Variants in PLCD4 observed in about 807,000 individuals in gnomAD.
PLCD4 encodes the protein phospholipase C delta 4.
A neutral mutation model predicts 90.2 loss-of-function variants in PLCD4; 63 were observed. The ratio of observed to expected loss-of-function variants is 0.70; its 90% confidence interval spans 0.57 to 0.86. The LOEUF (loss-of-function observed/expected upper bound fraction) is 0.86, where lower values mean the gene tolerates loss of function less well. PLCD4 is among the 40% of genes least tolerant of loss of function. PLCD4 has a pLI of 0.00. For synonymous variants in PLCD4, 294 were observed against 356.5 expected (o/e 0.82, Z 1.97); for missense variants, 830 against 956.3 (o/e 0.87, Z 1.74).
At chr2:218,626,163 G>A (rs1696107831) in intron 6 of PLCD4, among the ~76,000 whole-genome samples, 1 of 151,950 alleles carries the variant, frequency 6.6e-6, no homozygotes, top group African/African-American at 2.4e-5. Flanking sequence ...AGAGGCTGAG[G>A]TGAGAGGATT....
chr2:218,631,920 A>C, intron 9 of PLCD4, among the ~76,000 whole-genome samples: 1 of 152,122 alleles, frequency 6.6e-6, no homozygotes, highest in South Asian at 2.1e-4. Context: ...GTGGCAGGAG[A>C]CCATATATAT....
chr2:218,634,297 G>T lies in PLCD4; in HGVS notation c.1723+76G>T. 1 of 1,572,504 alleles carries T rather than the reference G, an allele frequency of 6.4e-7. No individual in the cohort carries two copies. Among genetic ancestry groups the T allele is most frequent in the Non-Finnish European group, 8.6e-7 (1 of 1,159,142 alleles). ...GAAATAAGTTCTCTAGTGATGGTAG[G>T]GTTGGGGAATGCTCAAGAAAATTGC... is the stretch of plus-strand genomic sequence containing the variant. On this transcript the variant is annotated intron_variant, in intron 12 of 15. Transcript: ENST00000450993. This position sits in a 1 kb window ranked among gnomAD's most constrained non-coding sequence, Gnocchi z 4.0.
chr2:218,616,726 TATACATAC>T (rs61259761), intron 3 of PLCD4, among the ~76,000 whole-genome samples: 2 of 128,776 alleles, frequency 1.6e-5, no homozygotes, highest in Admixed American at 8.5e-5. Context: ...AAAATACATA[TATACATAC>T]ATACATACAT....
At chr2:218,633,414 C>T (rs532585881) in intron 10 of PLCD4, 191 bp from the exon 11 acceptor site, 1 of 736,760 alleles carries the variant, frequency 1.4e-6, no homozygotes, top group East Asian at 2.7e-5. Flanking sequence ...TTTTGTCCGT[C>T]TATCTGTTGT....
At chr2:218,628,990 G>C (rs1021062734) in intron 7 of PLCD4, 5 of 153,830 alleles carry the variant, frequency 3.3e-5, no homozygotes, top group African/African-American at 4.8e-5. Flanking sequence ...CCGAGGCAGG[G>C]AGATCGCTTG....
intron 3 of PLCD4, among the ~76,000 whole-genome samples, chr2:218,616,968 AG>A (rs1695639335): frequency 9.1e-6 from 1 of 109,656 alleles, no homozygotes; most frequent in African/African-American, 3.2e-5. Flanking sequence ...AGAGAGAGAG[AG>A]AGAGAGAGAG....
chr2:218,635,473 G>A (rs574596778), intron 13 of PLCD4, among the ~76,000 whole-genome samples: 23 of 152,170 alleles, frequency 1.5e-4, no homozygotes, highest in African/African-American at 5.1e-4. Context: ...CGAGTAGCTG[G>A]GACTACAGGC....
chr2:218,617,890 T>G (rs922043138), intron 3 of PLCD4, among the ~76,000 whole-genome samples: 2 of 151,892 alleles, frequency 1.3e-5, no homozygotes, highest in African/African-American at 4.8e-5. Flanking sequence ...ATTGAGACCA[T>G]CTGGCTAACA....
chr2:218,622,465 T>C, intron 5 of PLCD4, 182 bp from the exon 6 acceptor site: 1 of 474,574 alleles, frequency 2.1e-6, no homozygotes, highest in South Asian at 4.2e-5. Flanking sequence ...GGTCATAACA[T>C]TTCCCATTCT....
chr2:218,633,869 TGAA>T (rs559297444), intron 11 of PLCD4, 108 bp downstream of exon 11: 23 of 1,380,700 alleles, frequency 1.7e-5, no homozygotes, highest in Non-Finnish European at 2.3e-5. Context: ...TAAGGAGAGA[TGAA>T]GGAGTTCAGA....
chr2:218,612,204 G>A (rs1319709644), intron 1 of PLCD4, among the ~76,000 whole-genome samples: 2 of 152,072 alleles, frequency 1.3e-5, no homozygotes, highest in African/African-American at 2.4e-5. Flanking sequence ...CACCGCCTTC[G>A]GCCAGGTCTG....
rs1696317602 is a variant in PLCD4, at chr2:218,630,582, G to A, written c.1120-68G>A. On this transcript the variant is annotated intron_variant, in intron 8 of 15. Coordinates refer to ENST00000450993, the MANE Select transcript of PLCD4 (RefSeq NM_032726.4). ...AGTAAGTAGGGAGGCCTAGGAAGCG[G>A]GTACTTGAAGAAGTAGGTTGCAGTG... 3.8e-6 allele frequency: 6 copies of A among 1,591,498 alleles called. No homozygotes were observed. The South Asian group carries it at 5.6e-5, about 15-fold the overall frequency.
intron 1 of PLCD4, among the ~76,000 whole-genome samples, chr2:218,612,750 G>A (rs777867512): frequency 3.3e-5 from 5 of 151,762 alleles, no homozygotes; most frequent in African/African-American, 1.2e-4. Context: ...CCAGCCTGGC[G>A]ACAGAGCAAG....
At chr2:218,621,705 A>C in intron 5 of PLCD4, 106 bp downstream of exon 5, 1 of 1,412,402 alleles carries the variant, frequency 7.1e-7, no homozygotes, top group Non-Finnish European at 9.9e-7. Flanking sequence ...AATCTCTGCT[A>C]TGTGCCCTAA....
intron 6 of PLCD4, among the ~76,000 whole-genome samples, chr2:218,626,247 A>G (rs1575028970): frequency 8.3e-6 from 1 of 121,010 alleles, no homozygotes; most frequent in Non-Finnish European, 1.7e-5. Flanking sequence ...ACAGAGTGAG[A>G]CTCTGTCTCC....
intron 6 of PLCD4, among the ~76,000 whole-genome samples, chr2:218,626,300 CCTT>C (rs1413857842): frequency 2.6e-5 from 4 of 151,564 alleles, no homozygotes; most frequent in Non-Finnish European, 5.9e-5. Context: ...AACTTCCTGT[CCTT>C]CTTCACAATC....
intron 1 of PLCD4, 119 bp downstream of exon 1, chr2:218,608,189 C>G (rs2106109462): frequency 6.5e-6 from 1 of 152,714 alleles, no homozygotes; most frequent in South Asian, 2.1e-4. Context: ...CTCCTTTCCT[C>G]ATCCCAACAG....
intron 6 of PLCD4, among the ~76,000 whole-genome samples, chr2:218,625,041 G>C (rs1043775966): frequency 1.1e-5 from 1 of 88,230 alleles, no homozygotes; most frequent in African/African-American, 4.3e-5. Context: ...GAACCTGGGA[G>C]GCAGAGGTTG....
chr2:218,632,376 C>T, intron 10 of PLCD4, 64 bp downstream of exon 10: 1 of 1,498,484 alleles, frequency 6.7e-7, no homozygotes, highest in Non-Finnish European at 8.9e-7. Context: ...AAGGCCTGTT[C>T]ATGAAGACTA....
Sources: gnomAD v4.1 joint callset for allele counts (sites outside exome capture counted in the v4.1 genomes callset) on GRCh38, gnomAD v4.1.1 for gene constraint, Gnocchi (gnomAD v3.1) non-coding constraint, MANE v1.5 for transcripts, NCBI Gene and HGNC (gene_info 2026-07-23, HGNC 2026-07-21) for gene names.